The following SLC22A13 variants were observed in gnomAD, a reference collection of about 807,000 sequenced individuals.
SLC22A13 encodes the protein solute carrier family 22 member 13, also known as organic anion transporter 10.
In SLC22A13, 42 loss-of-function variants were observed where a neutral mutation model predicts 49.1. The observed-to-expected ratio is 0.85, with a 90% CI of 0.67 to 1.11. The LOEUF (loss-of-function observed/expected upper bound fraction) is 1.11. Among genes scored for constraint, SLC22A13 ranks in the 50% least tolerant of loss-of-function variants. SLC22A13 has a pLI of 0.00. For missense variants in SLC22A13, 694 were observed against 712.8 expected, an observed-to-expected ratio of 0.97 and a Z score of 0.30; for synonymous variants, 282 against 293.1, an observed-to-expected ratio of 0.96 and a Z score of 0.39.
chr3:38,266,535 C>T (rs1034961669), intron 1 of SLC22A13, among the ~76,000 whole-genome samples: 1 of 152,162 alleles, frequency 6.6e-6, no homozygotes, highest in African/African-American at 2.4e-5. Flanking sequence ...GGTGTCCTCT[C>T]CTCTTTTCCT....
intron 1 of SLC22A13, among the ~76,000 whole-genome samples, chr3:38,266,777 T>C (rs1183256547): frequency 2.6e-5 from 4 of 152,206 alleles, no homozygotes; most frequent in Non-Finnish European, 5.9e-5. Flanking sequence ...TCCAGGACTC[T>C]AGGACTTGTC....
At position 38,274,388 on chromosome 3, in the gene SLC22A13, C is replaced by T. The variant is rs1488654527; in HGVS notation, c.482+13C>T. 1 of 1,603,186 alleles carries T rather than the reference C, an allele frequency of 6.2e-7. No individual in the cohort carries two copies. The highest frequency in any genetic ancestry group is 8.5e-7 in the Non-Finnish European group (1 of 1,170,016). On this transcript the variant is annotated intron_variant, in intron 2 of 9. Coordinates refer to ENST00000311856, the MANE Select transcript of SLC22A13 (RefSeq NM_004256.4). ...CCCTCTGCGACCGGTAAGAACCTTG[C>T]CCTGCCCACTCCCTGCCTAGCAAGC...
chr3:38,273,370 A>G (rs147853677), intron 1 of SLC22A13, among the ~76,000 whole-genome samples: 1 of 152,168 alleles, frequency 6.6e-6, no homozygotes, highest in East Asian at 1.9e-4. Flanking sequence ...ACACACCTGC[A>G]CATTCTCTCA....
At chr3:38,273,486 T>C (rs1219248619) in intron 1 of SLC22A13, among the ~76,000 whole-genome samples, 1 of 152,172 alleles carries the variant, frequency 6.6e-6, no homozygotes, top group African/African-American at 2.4e-5. Flanking sequence ...GGATTCTGAT[T>C]GCCTGTGAAT....
intron 1 of SLC22A13, 122 bp from the exon 2 acceptor site, chr3:38,274,150 T>G: frequency 2.8e-6 from 2 of 704,278 alleles, no homozygotes. Flanking sequence ...TGCCCTGGAG[T>G]GCCTCAGTAC....
At position 38,275,404 on chromosome 3, in the gene SLC22A13, C is replaced by T. The variant is rs764118122; in HGVS notation, c.841C>T (p.Arg281Cys). 56 of 1,614,044 alleles carry T rather than the reference C, an allele frequency of 3.5e-5. No individual in the cohort carries two copies. Among genetic ancestry groups the T allele is most frequent in the South Asian group, 3.1e-4 (28 of 91,080 alleles). The change falls in exon 5 of 10, where the codon CGT (arginine) becomes TGT (cysteine). Residue 281 changes from arginine to cysteine, a missense_variant. By Grantham distance (180) the Arg-to-Cys change is radical. Coordinates refer to ENST00000311856, the MANE Select transcript of SLC22A13 (RefSeq NM_004256.4). ...LPESARWLLT[R>C]GRMDEAIQLI... ...AGAATCTGCACGTTGGCTCCTGACC[C>T]GTGGGAGGATGGACGAGGCGATACA...
chr3:38,273,585 C>T (rs189664112), intron 1 of SLC22A13, among the ~76,000 whole-genome samples: 592 of 152,246 alleles, frequency 3.9e-3, no homozygotes, highest in Middle Eastern at 0.034. Context: ...TATGGAGAAG[C>T]GGCCCCATTT....
At position 38,275,689 on chromosome 3, in the gene SLC22A13, C is replaced by G. The variant is rs200807348; in HGVS notation, c.1022+17C>G. The G allele has an allele frequency of 2.5e-6, 4 of 1,610,616 alleles. No individual in the cohort carries two copies. The Admixed American group carries it at 5.0e-5, about 20-fold the overall frequency. ...CTGTGTCTGGTGAGTGCCCAGAACCCGAGGACAGAACCACAGGGCTGCAGC... is the reference window on the plus strand; with the variant it reads ...CTGTGTCTGGTGAGTGCCCAGAACCGGAGGACAGAACCACAGGGCTGCAGC... On this transcript the variant is annotated intron_variant, in intron 6 of 9. Transcript: ENST00000311856.
intron 1 of SLC22A13, among the ~76,000 whole-genome samples, chr3:38,269,312 C>T (rs1236477610): frequency 6.6e-6 from 1 of 151,762 alleles, no homozygotes; most frequent in Non-Finnish European, 1.5e-5. Flanking sequence ...GGCTGGAGTG[C>T]AGTGGCGAGA....
At position 38,266,354 on chromosome 3, in the gene SLC22A13, A is replaced by T. The variant is rs1027367906; in HGVS notation, c.378+116A>T. The T allele has an allele frequency of 3.4e-6, 4 of 1,166,438 alleles. No homozygotes were observed. The Admixed American group carries it at 8.9e-5, about 26-fold the overall frequency. The allele number at this position is 1,166,438 out of a possible 1,614,324, so 72.3% of individuals were successfully genotyped here. On this transcript the variant is annotated intron_variant, in intron 1 of 9. Coordinates refer to ENST00000311856, the MANE Select transcript of SLC22A13 (RefSeq NM_004256.4). The stretch of plus-strand genomic sequence containing the variant: ...CTGCCCCATGCCCATATGGTCAACC[A>T]TGGGCACATATGTTTTTCATTTTGT...
chr3:38,272,982 G>A (rs1703536557), intron 1 of SLC22A13, among the ~76,000 whole-genome samples: 1 of 152,144 alleles, frequency 6.6e-6, no homozygotes, highest in Non-Finnish European at 1.5e-5. Flanking sequence ...TCCTTTCTCG[G>A]GAAGTTGATA....
At chr3:38,266,387 A>C in intron 1 of SLC22A13, 149 bp downstream of exon 1, 17 of 934,096 alleles carry the variant, frequency 1.8e-5, no homozygotes, top group Non-Finnish European at 2.7e-5. Context: ...TGTCAATCTC[A>C]TTTTCCTCTT....
At chr3:38,269,357 A>C (rs1363939649) in intron 1 of SLC22A13, among the ~76,000 whole-genome samples, 2 of 152,022 alleles carry the variant, frequency 1.3e-5, no homozygotes, top group African/African-American at 2.4e-5. Context: ...TCCTGGGTTC[A>C]AGTGATTCTC....
At chr3:38,269,316 G>A (rs1204924735) in intron 1 of SLC22A13, among the ~76,000 whole-genome samples, 1 of 151,792 alleles carries the variant, frequency 6.6e-6, no homozygotes, top group Non-Finnish European at 1.5e-5. Context: ...GGAGTGCAGT[G>A]GCGAGATCTG....
At chr3:38,268,941 AAAACAAAC>A (rs746937457) in intron 1 of SLC22A13, among the ~76,000 whole-genome samples, 35 of 152,186 alleles carry the variant, frequency 2.3e-4, no homozygotes, top group African/African-American at 8.0e-4. Context: ...AAACACCCGC[AAAACAAAC>A]AAACAAACAA....
intron 1 of SLC22A13, among the ~76,000 whole-genome samples, chr3:38,273,037 A>G (rs908520863): frequency 2.6e-5 from 4 of 152,148 alleles, no homozygotes; most frequent in African/African-American, 4.8e-5. Flanking sequence ...TCATGCATGT[A>G]AAGTGTTTAG....
Position 38,275,912 on chromosome 3 carries a change from GAGC to G in SLC22A13, c.1054_1056del (p.Ser352del). ...TGGACAGTCTGGGGTACTACGGCCT[GAGC>G]CTCCAAGTGGGGGACTTCGGCCTGG... On this transcript the variant is annotated inframe_deletion, in exon 7 of 10. Transcript: ENST00000311856. 6.2e-7 allele frequency: 1 copy of G among 1,614,228 alleles called. No individual in the cohort carries two copies. Among genetic ancestry groups the G allele is most frequent in the Non-Finnish European group, 8.5e-7 (1 of 1,180,034 alleles).
rs1428759752 is a variant in SLC22A13, at chr3:38,277,681, C to T, written c.*216C>T. ...ACCTCCCGGCCTCCTTCACCTTTCTCATCTCCAGAGCCCTGCCCCCAATAC... is the reference window on the plus strand; with the variant it reads ...ACCTCCCGGCCTCCTTCACCTTTCTTATCTCCAGAGCCCTGCCCCCAATAC... On this transcript the variant is annotated 3_prime_UTR_variant, in exon 10 of 10. Coordinates refer to ENST00000311856, the MANE Select transcript of SLC22A13 (RefSeq NM_004256.4). 1 of 494,516 alleles carries T rather than the reference C, an allele frequency of 2.0e-6. No individual in the cohort carries two copies. The highest frequency in any genetic ancestry group is 3.6e-6 in the Non-Finnish European group (1 of 275,006). The allele number at this position is 494,516 out of a possible 1,614,324, so 30.6% of individuals were successfully genotyped here.
At chr3:38,274,849 T>TCGGCCA in intron 3 of SLC22A13, 91 bp downstream of exon 3, 1 of 1,542,114 alleles carries the variant, frequency 6.5e-7, no homozygotes, top group Non-Finnish European at 8.8e-7. Context: ...GGAGGTCTTT[T>TCGGCCA]CAGGTACCCC....
Sources: gnomAD v4.1 joint callset for allele counts (sites outside exome capture counted in the v4.1 genomes callset) on GRCh38, gnomAD v4.1.1 for gene constraint, MANE v1.5 for transcripts, NCBI Gene and HGNC (gene_info 2026-07-23, HGNC 2026-07-21) for gene names.